METTL15: variants seen among roughly 807,000 people sequenced by gnomAD.
METTL15 encodes 12S rRNA N(4)-cytidine methyltransferase METTL15.
METTL15 carries 34 observed loss-of-function variants against 38.3 expected under a neutral mutation model. That is an observed-to-expected ratio of 0.89 (90% CI 0.68 to 1.18). METTL15 has a LOEUF of 1.18. Ranked by LOEUF, METTL15 falls within the 50% of genes most tolerant of loss-of-function variation. METTL15 has a pLI of 0.00. For missense variants in METTL15, 438 were observed against 498.4 expected (o/e 0.88, Z 1.15); for synonymous variants, 162 against 170.9 (o/e 0.95, Z 0.41).
At chr11:28,454,101 C>T (rs1393931174) in intron 6 of METTL15, among the ~76,000 whole-genome samples, 3 of 152,162 alleles carry the variant, frequency 2.0e-5, no homozygotes, top group Admixed American at 6.5e-5. Flanking sequence ...GGAATTGTTT[C>T]GTTATATCAC....
At chr11:28,188,396 T>C (rs1454541670) in intron 3 of METTL15, among the ~76,000 whole-genome samples, 3 of 151,344 alleles carry the variant, frequency 2.0e-5, no homozygotes, top group Non-Finnish European at 4.4e-5. Context: ...TTTTTAAGAA[T>C]GTAAAATGTC....
intron 5 of METTL15, among the ~76,000 whole-genome samples, chr11:28,363,314 C>T (rs1180974528): frequency 6.6e-6 from 1 of 152,122 alleles, no homozygotes; most frequent in Non-Finnish European, 1.5e-5. Flanking sequence ...GCTGGGATTA[C>T]AGGCTTGTGC....
chr11:28,400,917 G>A (rs932939485), intron 5 of METTL15, among the ~76,000 whole-genome samples: 2 of 151,910 alleles, frequency 1.3e-5, no homozygotes, highest in Non-Finnish European at 2.9e-5. Flanking sequence ...TATTTATCTT[G>A]TTAATCACAA....
chr11:28,385,924 A>G (rs1023419497), intron 5 of METTL15, among the ~76,000 whole-genome samples: 3 of 152,138 alleles, frequency 2.0e-5, no homozygotes, highest in African/African-American at 7.2e-5. Flanking sequence ...AAAGCATAAC[A>G]AATAGCTGTA....
chr11:28,410,827 A>G (rs1325532062), intron 5 of METTL15: 1 of 152,098 alleles, frequency 6.6e-6, no homozygotes, highest in African/African-American at 2.4e-5. Context: ...AGCAGAAGTA[A>G]AATTGTCTTT....
chr11:28,175,261 T>TA (rs1174276722), intron 3 of METTL15, among the ~76,000 whole-genome samples: 4 of 144,082 alleles, frequency 2.8e-5, no homozygotes, highest in Non-Finnish European at 6.0e-5. Context: ...TCCATGTCCC[T>TA]ACAAAGGACA....
chr11:28,450,501 T>A (rs942559466), intron 6 of METTL15, among the ~76,000 whole-genome samples: 1 of 152,244 alleles, frequency 6.6e-6, no homozygotes, highest in Non-Finnish European at 1.5e-5. Flanking sequence ...CTTTTGTATG[T>A]ATCCTTTATA....
At chr11:28,455,325 T>C (rs533064658) in intron 6 of METTL15, among the ~76,000 whole-genome samples, 2 of 146,474 alleles carry the variant, frequency 1.4e-5, no homozygotes, top group South Asian at 4.7e-4. Flanking sequence ...ATCCCAACAA[T>C]ATTAAATGTT....
rs535747281 is a variant in METTL15, at chr11:28,208,990, C to T, written c.271-2072C>T. 2.0e-5 allele frequency among the ~76,000 whole-genome samples: 3 copies of T among 151,960 alleles called. No individual in the cohort carries two copies. The South Asian group carries it at 6.2e-4, about 31-fold the overall frequency. The stretch of plus-strand genomic sequence containing the variant: ...AGTTTCATAAATTCCATTTGTCTGC[C>T]ACTTTTTGGTTTCTGTGTTACACTT... On this transcript the variant is annotated intron_variant, in intron 3 of 6. Transcript: ENST00000407364.
At chr11:28,424,299 G>A (rs1850846784) in exon 6 of METTL15, 1 of 151,988 alleles carries the variant, frequency 6.6e-6, no homozygotes, top group Non-Finnish European at 1.5e-5. Flanking sequence ...CTGTTTCTAG[G>A]CTGCACATGT....
At chr11:28,389,469 A>G (rs1055769164) in intron 5 of METTL15, among the ~76,000 whole-genome samples, 2 of 143,446 alleles carry the variant, frequency 1.4e-5, no homozygotes, top group Non-Finnish European at 1.5e-5. Flanking sequence ...TCTATGAGTG[A>G]GAACATGCGG....
chr11:28,418,960 G>A (rs1209427053), intron 5 of METTL15, among the ~76,000 whole-genome samples: 3 of 152,164 alleles, frequency 2.0e-5, no homozygotes, highest in Admixed American at 1.3e-4. Context: ...TGTTCTGGGG[G>A]GTTCTAAATA....
intron 6 of METTL15, among the ~76,000 whole-genome samples, chr11:28,316,627 C>T (rs745508502): frequency 6.6e-6 from 1 of 152,100 alleles, no homozygotes; most frequent in East Asian, 1.9e-4. Context: ...GGTGGAATGA[C>T]ATGGTTTGGC....
intron 4 of METTL15, among the ~76,000 whole-genome samples, chr11:28,281,122 G>C (rs1277871120): frequency 6.6e-6 from 1 of 152,148 alleles, no homozygotes; most frequent in Non-Finnish European, 1.5e-5. Flanking sequence ...CCTTCCTCCA[G>C]ATACCACTTA....
chr11:28,198,980 T>A (rs1852007210), intron 3 of METTL15, among the ~76,000 whole-genome samples: 2 of 102,080 alleles, frequency 2.0e-5, no homozygotes, highest in Admixed American at 1.4e-4. Flanking sequence ...CTCTTTTTAG[T>A]GATTTTTTTT....
At chr11:28,123,879 G>T in intron 3 of METTL15, 1 of 1,473,994 alleles carries the variant, frequency 6.8e-7, no homozygotes, top group South Asian at 1.4e-5. Flanking sequence ...AGTAAACTGT[G>T]GATATTTAAT....
At chr11:28,169,190 G>C (rs1195903738) in intron 3 of METTL15, among the ~76,000 whole-genome samples, 1 of 152,154 alleles carries the variant, frequency 6.6e-6, no homozygotes, top group African/African-American at 2.4e-5. Flanking sequence ...ACTATTGTGA[G>C]AGGGGAATAG....
chr11:28,415,200 T>C (rs1850762641), intron 5 of METTL15, among the ~76,000 whole-genome samples: 1 of 152,206 alleles, frequency 6.6e-6, no homozygotes, highest in African/African-American at 2.4e-5. Flanking sequence ...TTCTGTAGTA[T>C]ATAGAGTTAG....
chr11:28,325,600 G>A (rs534839935), intron 6 of METTL15, among the ~76,000 whole-genome samples: 20 of 152,048 alleles, frequency 1.3e-4, no homozygotes, highest in Non-Finnish European at 2.4e-4. Context: ...TTTATTGAGT[G>A]TTTTCTAAAG....
Sources: gnomAD v4.1 joint callset for allele counts (sites outside exome capture counted in the v4.1 genomes callset) on GRCh38, gnomAD v4.1.1 for gene constraint, MANE v1.5 for transcripts, NCBI Gene and HGNC (gene_info 2026-07-23, HGNC 2026-07-21) for gene names.